ATG4B: variants seen among roughly 807,000 people sequenced by gnomAD.
ATG4B encodes autophagy related 4B cysteine peptidase.
ATG4B carries 29 observed loss-of-function variants against 56.6 expected under a neutral mutation model. That is an observed-to-expected ratio of 0.51 (90% CI 0.38 to 0.70). The LOEUF is 0.70. Ranked by LOEUF, ATG4B falls within the 30% of genes least tolerant of loss-of-function variation. The pLI, the probability that ATG4B is intolerant of heterozygous loss-of-function variation, is 0.00. For synonymous variants in ATG4B, 224 were observed against 206.1 expected, an observed-to-expected ratio of 1.09 and a Z score of -0.74; for missense variants, 461 against 515.5, an observed-to-expected ratio of 0.89 and a Z score of 1.02.
chr2:241,639,155 G>A (rs2125107994), intron 1 of ATG4B, among the ~76,000 whole-genome samples: 1 of 152,360 alleles, frequency 6.6e-6, no homozygotes, highest in South Asian at 2.1e-4. Flanking sequence ...GGTCCCGCCA[G>A]CTGTTTCAAG....
rs753856801 is a variant in ATG4B, at chr2:241,653,619, C to T, written c.283+9C>T. ...CCGGCACCTAGGCCGAGGTGAGTCA[C>T]AGCCCTGGGGAGGGCGCATGGCCAC... On this transcript the variant is annotated intron_variant, in intron 4 of 12. Transcript: ENST00000404914. 6.4e-7 allele frequency: 1 copy of T among 1,559,404 alleles called. No individual in the cohort carries two copies. The highest frequency in any genetic ancestry group is 2.4e-5 in the East Asian group (1 of 41,628).
intron 1 of ATG4B, among the ~76,000 whole-genome samples, chr2:241,643,692 T>C (rs904306191): frequency 2.2e-5 from 2 of 91,156 alleles, no homozygotes; most frequent in Non-Finnish European, 3.9e-5. Flanking sequence ...ATGTATATAT[T>C]TTCCCCCCCC....
At chr2:241,650,925 C>A in intron 1 of ATG4B, 85 bp from the exon 2 acceptor site, 2 of 1,146,118 alleles carry the variant, frequency 1.7e-6, no homozygotes, top group African/African-American at 1.5e-5. Flanking sequence ...TTCTCTTCAG[C>A]ACAGAAATGC....
rs550956446 is a variant in ATG4B at position 241,671,777 on chromosome 2, C to T, written c.1108+372C>T. On this transcript the variant is annotated intron_variant, in intron 12 of 12. Transcript: ENST00000404914. ...CTGGCCATGGGTGGCGTAGACCCCT[C>T]GGACCATGGCCAGCGTGCCGCAGGA... is the stretch of plus-strand genomic sequence containing the variant. The T allele has an allele frequency of 1.3e-5, 17 of 1,281,438 alleles. No homozygotes were observed. The South Asian group carries it at 1.4e-4, about 11-fold the overall frequency. The allele number at this position is 1,281,438 out of a possible 1,614,324, so 79.4% of individuals were successfully genotyped here.
intron 6 of ATG4B, 187 bp downstream of exon 6, chr2:241,655,530 A>G: frequency 1.6e-6 from 1 of 628,394 alleles, no homozygotes. Flanking sequence ...TTTTCTAACA[A>G]AATGAACACC....
intron 12 of ATG4B, chr2:241,671,778 G>A (rs1190472637): frequency 6.2e-6 from 8 of 1,282,246 alleles, no homozygotes; most frequent in African/African-American, 1.5e-5. Context: ...TAGACCCCTC[G>A]GACCATGGCC....
At chr2:241,641,689 T>A (rs926546954) in intron 1 of ATG4B, among the ~76,000 whole-genome samples, 1 of 152,166 alleles carries the variant, frequency 6.6e-6, no homozygotes, top group Non-Finnish European at 1.5e-5. Context: ...CAGTGTCCAG[T>A]GGGCTTTTGG....
At chr2:241,639,784 T>C (rs1438286006) in intron 1 of ATG4B, among the ~76,000 whole-genome samples, 1 of 152,116 alleles carries the variant, frequency 6.6e-6, no homozygotes, top group African/African-American at 2.4e-5. Flanking sequence ...ACAAAGTCAC[T>C]ACTCAAAGGT....
chr2:241,644,433 T>G (rs2068002260), intron 1 of ATG4B, among the ~76,000 whole-genome samples: 1 of 152,220 alleles, frequency 6.6e-6, no homozygotes, highest in Non-Finnish European at 1.5e-5. Flanking sequence ...TTGCACCCAT[T>G]GTGGGTTCTC....
chr2:241,672,120 C>A, intron 12 of ATG4B, 71 bp from the exon 13 acceptor site: 3 of 1,542,340 alleles, frequency 1.9e-6, no homozygotes, highest in Admixed American at 4.0e-5. Flanking sequence ...CTGCCCCACG[C>A]CAAGGGCCCT....
intron 1 of ATG4B, among the ~76,000 whole-genome samples, chr2:241,646,926 G>C (rs890841701): frequency 6.6e-6 from 1 of 151,950 alleles, no homozygotes; most frequent in Non-Finnish European, 1.5e-5. Flanking sequence ...GGGATTACAG[G>C]CACCTGCCAC....
chr2:241,665,828 G>A (rs996297415), intron 7 of ATG4B, among the ~76,000 whole-genome samples: 24 of 152,184 alleles, frequency 1.6e-4, no homozygotes, highest in African/African-American at 3.1e-4. Flanking sequence ...GAGAAGAGCC[G>A]CCTTTTCTCC....
At chr2:241,671,523 A>C (rs1318413109) in intron 12 of ATG4B, 118 bp downstream of exon 12, 15 of 1,546,344 alleles carry the variant, frequency 9.7e-6, no homozygotes, top group Non-Finnish European at 1.2e-5. Flanking sequence ...AGCCGTGAGC[A>C]CTTGGCAGTG....
intron 1 of ATG4B, among the ~76,000 whole-genome samples, chr2:241,648,979 G>C (rs1353489262): frequency 1.3e-5 from 2 of 152,216 alleles, no homozygotes; most frequent in Non-Finnish European, 2.9e-5. Flanking sequence ...CAGCCCTTCT[G>C]TCTGCCAGCC....
intron 6 of ATG4B, among the ~76,000 whole-genome samples, chr2:241,656,318 C>G (rs1016775771): frequency 2.6e-5 from 4 of 152,112 alleles, no homozygotes; most frequent in African/African-American, 9.7e-5. Flanking sequence ...CACGTCACCC[C>G]CGTCCCACAT....
rs1231209362 is a variant in ATG4B at position 241,668,108 on chromosome 2, C to T, written c.733-35C>T. The T allele has an allele frequency of 3.2e-6, 5 of 1,561,102 alleles. No individual in the cohort carries two copies. Among genetic ancestry groups the T allele is most frequent in the South Asian group, 1.2e-5 (1 of 84,568 alleles). On this transcript the variant is annotated intron_variant, in intron 8 of 12. Coordinates refer to ENST00000404914, the MANE Select transcript of ATG4B (RefSeq NM_013325.5). The surrounding 1 kb of genome is among the most constrained non-coding windows in gnomAD (Gnocchi z 4.2). ...GGGTGGGGGGACCGTCTGCTCCCACCTGGGACCTGTGCTCAGTCCCCCGCC... is the reference window on the plus strand; with the variant it reads ...GGGTGGGGGGACCGTCTGCTCCCACTTGGGACCTGTGCTCAGTCCCCCGCC...
chr2:241,672,257 C>T lies in ATG4B; in HGVS notation c.1175C>T (p.Ser392Phe). The T allele has an allele frequency of 1.3e-6, 2 of 1,577,062 alleles. No individual in the cohort carries two copies. The highest frequency in any genetic ancestry group is 1.7e-6 in the Non-Finnish European group (2 of 1,160,880). ...DSEDEDFEIL[S>F]L is the part of the protein sequence containing the mutation. ...GAAGATGAAGACTTTGAAATCCTGT[C>T]CCTTTGAAAATCCTGGGGTCGGGGG... is the stretch of plus-strand genomic sequence containing the variant. Residue 392 changes from serine to phenylalanine, a missense_variant, in exon 13 of 13, where the codon TCC becomes TTC. Ser to Phe is a radical substitution (Grantham distance 155, BLOSUM62 -2). Transcript: ENST00000404914.
chr2:241,637,784 C>T, intron 1 of ATG4B, 60 bp downstream of exon 1: 1 of 1,507,728 alleles, frequency 6.6e-7, no homozygotes, highest in South Asian at 1.3e-5. Flanking sequence ...CATTGGCCTC[C>T]CCTGCTCGGG....
chr2:241,653,482 G>A, intron 3 of ATG4B, 30 bp from the exon 4 acceptor site: 1 of 1,558,046 alleles, frequency 6.4e-7, no homozygotes, highest in Non-Finnish European at 8.7e-7. Context: ...ATCTGGCCAT[G>A]AGCACTTCTC....
Sources: allele counts gnomAD v4.1 joint callset (sites outside exome capture counted in the v4.1 genomes callset), GRCh38; gene constraint gnomAD v4.1.1; non-coding constraint Gnocchi (gnomAD v3.1); transcripts MANE v1.5; gene names NCBI Gene and HGNC (gene_info 2026-07-23, HGNC 2026-07-21).